Variants in PFKFB1 observed in about 807,000 individuals in gnomAD.
PFKFB1 encodes the protein 6-phosphofructo-2-kinase/fructose-2,6-bisphosphatase 1.
Under a neutral mutation model 46.4 loss-of-function variants are expected in PFKFB1, and 34 were observed. The ratio of observed to expected loss-of-function variants is 0.73; its 90% CI spans 0.56 to 0.98. The LOEUF is 0.98. Ranked by LOEUF, PFKFB1 falls within the 50% of genes least tolerant of loss-of-function variation. The pLI is 0.00. For missense variants in PFKFB1, 393 were observed against 376.3 expected (o/e 1.04, Z -0.37); for synonymous variants, 119 against 133.8 (o/e 0.89, Z 0.76).
chrX:54,938,842 G>C (rs1420706956), intron 10 of PFKFB1, among the ~76,000 whole-genome samples: 1 of 111,332 alleles, frequency 9.0e-6, no homozygotes, highest in African/African-American at 3.3e-5. Context: ...GAGACAGAAA[G>C]TTAACAAGGA....
At chrX:54,994,573 C>T, upstream of PFKFB1, 1 of 754,047 alleles carries the variant, frequency 1.3e-6, no homozygotes, top group Non-Finnish European at 1.6e-6. Flanking sequence ...TTCCCAAGGA[C>T]AAAAACACAA....
At chrX:54,963,632 AC>A in intron 1 of PFKFB1, among the ~76,000 whole-genome samples, 1 of 112,626 alleles carries the variant, frequency 8.9e-6, no homozygotes, top group Middle Eastern at 4.6e-3. Flanking sequence ...TGCAGATACC[AC>A]TGAACAACAT....
In PFKFB1 at chrX:54,952,132, G is replaced by A. The variant is rs183772570; in HGVS notation, c.639-20C>T. The A allele has an allele frequency of 2.7e-4, 310 of 1,169,385 alleles. 1 individual carries two copies. In the African/African-American group the frequency reaches 4.9e-3, roughly 18 times the overall value. On this transcript the variant is annotated intron_variant, in intron 7 of 13. Transcript: ENST00000375006. ...AGGTGGCTGGGCCAGACCCAAGCAG[G>A]AGCAAGGGCAGCTCAGGGGCTAATG... is the stretch of plus-strand genomic sequence containing the variant.
At chrX:54,975,539 C>T (rs985457081) in intron 1 of PFKFB1, among the ~76,000 whole-genome samples, 3 of 110,792 alleles carry the variant, frequency 2.7e-5, no homozygotes, top group Non-Finnish European at 3.8e-5. Context: ...GTGTACACTG[C>T]TCAGGTGACG....
At chrX:54,938,652 A>G (rs749466486) in intron 10 of PFKFB1, among the ~76,000 whole-genome samples, 20 of 111,666 alleles carry the variant, frequency 1.8e-4, no homozygotes, top group African/African-American at 5.5e-4. Context: ...CAAGGCCATT[A>G]CATAATGGTA....
chrX:54,970,540 T>C (rs1328467023), intron 1 of PFKFB1, among the ~76,000 whole-genome samples: 3 of 67,850 alleles, frequency 4.4e-5, no homozygotes, highest in African/African-American at 1.7e-4. Flanking sequence ...CCTGTGTCCA[T>C]GTGTTCTCAT....
chrX:54,935,124 G>T, intron 11 of PFKFB1, 115 bp from the exon 12 acceptor site: 1 of 565,540 alleles, frequency 1.8e-6, no homozygotes, highest in Non-Finnish European at 3.0e-6. Context: ...CCGTGGTGGG[G>T]CCTCACCAGG....
chrX:54,996,770 G>T (rs1935362954), upstream of PFKFB1, among the ~76,000 whole-genome samples: 1 of 111,537 alleles, frequency 9.0e-6, no homozygotes. Context: ...AATACATGGT[G>T]TATTTTCCTG....
At chrX:54,957,990 G>A (rs1254276228) in intron 6 of PFKFB1, among the ~76,000 whole-genome samples, 2 of 111,568 alleles carry the variant, frequency 1.8e-5, no homozygotes, top group South Asian at 7.6e-4. Context: ...ATTCATTTAT[G>A]CTTTTGGAAC....
At chrX:54,991,310 A>G (rs955740784) in intron 1 of PFKFB1, among the ~76,000 whole-genome samples, 3 of 111,845 alleles carry the variant, frequency 2.7e-5, no homozygotes, top group African/African-American at 9.8e-5. Context: ...GATAGCAACA[A>G]AAAATAAGCC....
chrX:54,956,645 G>A (rs1191857065), intron 6 of PFKFB1, among the ~76,000 whole-genome samples: 2 of 111,075 alleles, frequency 1.8e-5, no homozygotes, highest in East Asian at 5.7e-4. Flanking sequence ...TGTTTACCGG[G>A]AGATTATGAT....
At chrX:54,949,880 AC>A (rs1933918796) in intron 8 of PFKFB1, among the ~76,000 whole-genome samples, 2 of 112,527 alleles carry the variant, frequency 1.8e-5, no homozygotes, top group Non-Finnish European at 3.8e-5. Context: ...GGGAGACATT[AC>A]TTTTTGACAC....
intron 1 of PFKFB1, among the ~76,000 whole-genome samples, chrX:54,973,740 G>A (rs944230138): frequency 4.5e-5 from 5 of 110,959 alleles, no homozygotes; most frequent in Non-Finnish European, 9.4e-5. Flanking sequence ...TACATTTGCC[G>A]AGGACAGCTT....
At chrX:54,989,614 C>T (rs948406199) in intron 1 of PFKFB1, among the ~76,000 whole-genome samples, 2 of 112,045 alleles carry the variant, frequency 1.8e-5, no homozygotes, top group Non-Finnish European at 3.8e-5. Flanking sequence ...AACTGTAAAA[C>T]GCACATTCTT....
chrX:54,995,527 T>C (rs1226754685), upstream of PFKFB1, among the ~76,000 whole-genome samples: 1 of 112,342 alleles, frequency 8.9e-6, no homozygotes, highest in African/African-American at 3.2e-5. Flanking sequence ...ATCATGATGG[T>C]TAAGAGCAAT....
At chrX:54,997,746 T>C (rs1005492492), upstream of PFKFB1, among the ~76,000 whole-genome samples, 1 of 111,568 alleles carries the variant, frequency 9.0e-6, no homozygotes, top group African/African-American at 3.3e-5. Context: ...TGGCCCACCA[T>C]CTCTCCACTA....
chrX:54,951,153 TAA>T (rs1933962272), intron 8 of PFKFB1, among the ~76,000 whole-genome samples: 1 of 113,079 alleles, frequency 8.8e-6, no homozygotes, highest in Admixed American at 9.3e-5. Flanking sequence ...ATACCTGTGC[TAA>T]TAAGCCCAGG....
chrX:54,940,789 T>C (rs1380760975), intron 10 of PFKFB1, among the ~76,000 whole-genome samples: 1 of 111,646 alleles, frequency 9.0e-6, no homozygotes, highest in Non-Finnish European at 1.9e-5. Flanking sequence ...GTAGGAAGAA[T>C]CAATATCGTG....
upstream of PFKFB1, chrX:54,998,555 C>G: frequency 1.8e-6 from 1 of 552,891 alleles, no homozygotes; most frequent in South Asian, 2.7e-5. Context: ...GAGGACGTAC[C>G]CTTGTTAAGT....
Sources: allele counts gnomAD v4.1 joint callset (sites outside exome capture counted in the v4.1 genomes callset), GRCh38; gene constraint gnomAD v4.1.1; transcripts MANE v1.5; gene names NCBI Gene and HGNC (gene_info 2026-07-23, HGNC 2026-07-21).